Variants in E2F3 observed in about 807,000 individuals in gnomAD.
The protein encoded by E2F3 is E2F transcription factor 3.
In E2F3, 11 loss-of-function variants were observed where a neutral mutation model predicts 44.4. The ratio of observed to expected loss-of-function variants is 0.25; its 90% CI spans 0.16 to 0.41. The LOEUF (loss-of-function observed/expected upper bound fraction) is 0.41, where lower values mean the gene tolerates loss of function less well. Among genes scored for constraint, E2F3 ranks in the 10% least tolerant of loss-of-function variants. The pLI, the probability that E2F3 is intolerant of heterozygous loss-of-function variation, is 1.00. For missense variants in E2F3, 487 were observed against 583.6 expected (o/e 0.83, Z 1.70); for synonymous variants, 249 against 253.0 (o/e 0.98, Z 0.15).
intron 1 of E2F3, among the ~76,000 whole-genome samples, chr6:20,444,781 A>AT (rs1250555259): frequency 6.6e-6 from 1 of 152,196 alleles, no homozygotes; most frequent in Non-Finnish European, 1.5e-5. Context: ...TCGATTCAAG[A>AT]TTTTGTTGCT....
At chr6:20,425,189 TA>T (rs1760172757) in intron 1 of E2F3, among the ~76,000 whole-genome samples, 1 of 152,182 alleles carries the variant, frequency 6.6e-6, no homozygotes. Context: ...GACCACAGGC[TA>T]AAGTTTAAGT....
intron 2 of E2F3, among the ~76,000 whole-genome samples, chr6:20,480,648 T>C (rs1289599825): frequency 6.6e-6 from 1 of 152,088 alleles, no homozygotes; most frequent in Non-Finnish European, 1.5e-5. Context: ...TTAAGAGAGA[T>C]GGGGAGATTT....
chr6:20,418,916 G>T (rs981823470), intron 1 of E2F3, among the ~76,000 whole-genome samples: 5 of 151,998 alleles, frequency 3.3e-5, no homozygotes, highest in African/African-American at 1.2e-4. Context: ...ATATAAGGAA[G>T]TGGAGTGAAA....
intron 1 of E2F3, among the ~76,000 whole-genome samples, chr6:20,409,507 C>T (rs1759599259): frequency 6.6e-6 from 1 of 152,164 alleles, no homozygotes; most frequent in Non-Finnish European, 1.5e-5. Flanking sequence ...ACACACAGTG[C>T]CCCTCTGGTA....
intron 1 of E2F3, among the ~76,000 whole-genome samples, chr6:20,423,361 G>GC (rs1265658410): frequency 3.3e-5 from 5 of 151,320 alleles, no homozygotes; most frequent in Non-Finnish European, 7.4e-5. Flanking sequence ...TCCAAACATA[G>GC]CAACAGTATA....
chr6:20,476,607 G>A (rs1440737432), intron 1 of E2F3, among the ~76,000 whole-genome samples: 1 of 152,142 alleles, frequency 6.6e-6, no homozygotes. Context: ...CCTGCTTCTT[G>A]CCAGATAGTT....
intron 1 of E2F3, chr6:20,445,080 CTCAG>C (rs1760896210): frequency 1.0e-6 from 1 of 985,302 alleles, no homozygotes; most frequent in South Asian, 4.7e-5. Flanking sequence ...CAAGTTCCTC[CTCAG>C]TCGGGCTGGA....
At chr6:20,436,478 C>G (rs9465746) in intron 1 of E2F3, among the ~76,000 whole-genome samples, 10,125 of 125,310 alleles carry the variant, frequency 0.081, 844 homozygotes, top group African/African-American at 0.24. Context: ...CACACACACA[C>G]AGAGAGAGAG....
At chr6:20,449,319 CGA>C (rs1472428850) in intron 1 of E2F3, among the ~76,000 whole-genome samples, 1 of 152,140 alleles carries the variant, frequency 6.6e-6, no homozygotes, top group Non-Finnish European at 1.5e-5. Context: ...ATTAGGTTCT[CGA>C]AAATTCTTCC....
chr6:20,403,425 G>A (rs1365396374), intron 1 of E2F3, among the ~76,000 whole-genome samples: 1 of 151,826 alleles, frequency 6.6e-6, no homozygotes, highest in Non-Finnish European at 1.5e-5. Flanking sequence ...TTCCTTCCCC[G>A]CCCTGTCCCC....
intron 1 of E2F3, among the ~76,000 whole-genome samples, chr6:20,410,803 G>A (rs987291280): frequency 2.6e-5 from 4 of 152,172 alleles, no homozygotes; most frequent in Non-Finnish European, 5.9e-5. Flanking sequence ...TGTATTTTTA[G>A]TAGGGACGGG....
chr6:20,427,042 G>A (rs1157380865), intron 1 of E2F3, among the ~76,000 whole-genome samples: 2 of 152,062 alleles, frequency 1.3e-5, no homozygotes, highest in Non-Finnish European at 2.9e-5. Context: ...AAGAAAATGG[G>A]GTAATATATG....
intron 1 of E2F3, among the ~76,000 whole-genome samples, chr6:20,445,387 G>A (rs371540573): frequency 1.2e-4 from 18 of 151,884 alleles, no homozygotes; most frequent in African/African-American, 3.4e-4. Context: ...TTACAGGCCC[G>A]TGCCACCAAG....
chr6:20,457,821 C>T (rs1307977438), intron 1 of E2F3, among the ~76,000 whole-genome samples: 3 of 152,164 alleles, frequency 2.0e-5, no homozygotes, highest in Non-Finnish European at 2.9e-5. Context: ...ATACTGTCAT[C>T]CCTTTCCTGC....
intron 1 of E2F3, among the ~76,000 whole-genome samples, chr6:20,419,734 T>C (rs1025989130): frequency 2.0e-5 from 3 of 152,000 alleles, no homozygotes; most frequent in African/African-American, 7.3e-5. Flanking sequence ...CTGGCTACTT[T>C]TTTCATATTT....
intron 1 of E2F3, among the ~76,000 whole-genome samples, chr6:20,442,998 A>C (rs948451269): frequency 6.6e-6 from 1 of 151,878 alleles, no homozygotes; most frequent in African/African-American, 2.4e-5. Flanking sequence ...TCTATTTTTT[A>C]AATTTAACCT....
chr6:20,479,765 G>T, intron 1 of E2F3, 81 bp from the exon 2 acceptor site: 1 of 1,194,748 alleles, frequency 8.4e-7, no homozygotes, highest in Non-Finnish European at 1.2e-6. Context: ...TGCAGCATTT[G>T]GCAGGCCAGC....
At position 20,458,432 on chromosome 6, in the gene E2F3, C is replaced by T. The variant is rs1761386966; in HGVS notation, c.394-21414C>T. 2.6e-5 allele frequency among the ~76,000 whole-genome samples: 4 copies of T among 152,248 alleles called. No individual in the cohort carries two copies. In the South Asian group the frequency reaches 8.3e-4, roughly 32 times the overall value. ...ATACCTACCAGAGTTGGTTGCTCTG[C>T]CCACTGGCTCCTCTCTGCACCTCCC... On this transcript the variant is annotated intron_variant, in intron 1 of 6. Transcript: ENST00000346618.
At chr6:20,429,261 T>A (rs1435962775) in intron 1 of E2F3, among the ~76,000 whole-genome samples, 1 of 152,152 alleles carries the variant, frequency 6.6e-6, no homozygotes, top group Non-Finnish European at 1.5e-5. Context: ...ATATTCGTTG[T>A]CCCCCTTATC....
Sources: gnomAD v4.1 joint callset for allele counts (sites outside exome capture counted in the v4.1 genomes callset) on GRCh38, gnomAD v4.1.1 for gene constraint, MANE v1.5 for transcripts, NCBI Gene and HGNC (gene_info 2026-07-23, HGNC 2026-07-21) for gene names.